The following NOSTRIN variants were observed in gnomAD, a reference collection of about 807,000 sequenced individuals.
NOSTRIN encodes BM247 homolog.
NOSTRIN carries 63 observed loss-of-function variants against 59.0 expected under a neutral mutation model. That is an observed-to-expected ratio of 1.07 (90% confidence interval 0.87 to 1.32). The LOEUF (loss-of-function observed/expected upper bound fraction) is 1.32, where lower values mean the gene tolerates loss of function less well. NOSTRIN is among the 40% of genes most tolerant of loss of function. The probability of loss-of-function intolerance (pLI) is 0.00; values close to 1 mark genes in which losing one functional copy is unlikely to be tolerated. For missense variants in NOSTRIN, 512 were observed against 473.1 expected (o/e 1.08, Z -0.76); for synonymous variants, 200 against 165.4 (o/e 1.21, Z -1.61).
intron 7 of NOSTRIN, among the ~76,000 whole-genome samples, chr2:168,838,450 G>C (rs749372445): frequency 2.6e-5 from 4 of 152,170 alleles, no homozygotes; most frequent in Non-Finnish European, 5.9e-5. Context: ...ATGTTGGCCA[G>C]GCTGGTCTCG....
chr2:168,805,428 C>T (rs1489649539), intron 1 of NOSTRIN, among the ~76,000 whole-genome samples: 1 of 152,106 alleles, frequency 6.6e-6, no homozygotes, highest in Non-Finnish European at 1.5e-5. Flanking sequence ...GCTCTTAAAC[C>T]TAAAAATATG....
At chr2:168,832,702 G>A (rs1323234801) in intron 6 of NOSTRIN, among the ~76,000 whole-genome samples, 2 of 152,194 alleles carry the variant, frequency 1.3e-5, no homozygotes, top group Non-Finnish European at 2.9e-5. Flanking sequence ...TTTATAAAAA[G>A]TAAAGTCCCA....
At chr2:168,847,879 C>A (rs1311533630) in intron 8 of NOSTRIN, among the ~76,000 whole-genome samples, 1 of 152,182 alleles carries the variant, frequency 6.6e-6, no homozygotes, top group East Asian at 1.9e-4. Context: ...AAACATAGAT[C>A]ATTTTAATGA....
intron 2 of NOSTRIN, among the ~76,000 whole-genome samples, chr2:168,817,911 A>G (rs1305990316): frequency 6.6e-6 from 1 of 152,226 alleles, no homozygotes; most frequent in Non-Finnish European, 1.5e-5. Flanking sequence ...AACTTTAAAT[A>G]CAATCTGTAA....
At chr2:168,857,512 G>A (rs1033265531) in intron 12 of NOSTRIN, among the ~76,000 whole-genome samples, 1 of 152,170 alleles carries the variant, frequency 6.6e-6, no homozygotes, top group Non-Finnish European at 1.5e-5. Flanking sequence ...TTTGTGCTGA[G>A]TGTGTGAACT....
chr2:168,864,090 C>A (rs985121435), intron 15 of NOSTRIN, among the ~76,000 whole-genome samples: 1 of 152,052 alleles, frequency 6.6e-6, no homozygotes, highest in African/African-American at 2.4e-5. Flanking sequence ...GCCTCAGTCT[C>A]CCAAATAGCT....
At chr2:168,823,497 C>T (rs954264531) in intron 2 of NOSTRIN, among the ~76,000 whole-genome samples, 1 of 152,162 alleles carries the variant, frequency 6.6e-6, no homozygotes, top group Non-Finnish European at 1.5e-5. Flanking sequence ...CAATCTTTGG[C>T]ATTCTTTGGC....
intron 2 of NOSTRIN, among the ~76,000 whole-genome samples, chr2:168,823,055 C>T (rs1277666961): frequency 6.6e-6 from 1 of 152,264 alleles, no homozygotes; most frequent in Non-Finnish European, 1.5e-5. Flanking sequence ...TTTGCTCTGT[C>T]GCCCAGGCTA....
chr2:168,833,884 G>C (rs769236392), intron 6 of NOSTRIN, among the ~76,000 whole-genome samples: 4 of 152,218 alleles, frequency 2.6e-5, no homozygotes, highest in Non-Finnish European at 5.9e-5. Context: ...GATATCTTCT[G>C]TGGTAAAGCC....
intron 3 of NOSTRIN, among the ~76,000 whole-genome samples, chr2:168,825,468 T>C (rs1256495501): frequency 3.3e-5 from 5 of 152,214 alleles, no homozygotes; most frequent in Non-Finnish European, 7.3e-5. Flanking sequence ...CTCTATGGCT[T>C]TTGACAAGTA....
chr2:168,836,994 G>A (rs1435339274), intron 7 of NOSTRIN, among the ~76,000 whole-genome samples: 4 of 152,272 alleles, frequency 2.6e-5, no homozygotes, highest in South Asian at 2.1e-4. Flanking sequence ...GTGCTATCTG[G>A]TGAGGCTTCC....
At position 168,792,731 on chromosome 2, in the gene NOSTRIN, C is replaced by T. The variant is rs146420817; in HGVS notation, c.-473+4683C>T. ...CTGACCTCAGGTGATCCACCTGCCTCGGCCTCCGAAAGTGCTGGGATTATA... is the reference window on the plus strand; with the variant it reads ...CTGACCTCAGGTGATCCACCTGCCTTGGCCTCCGAAAGTGCTGGGATTATA... On this transcript the variant is annotated intron_variant, in intron 2 of 20. Transcript: ENST00000458381. Among the ~76,000 whole-genome samples, 511 of 152,218 alleles carry T rather than the reference C, an allele frequency of 3.4e-3. 3 individuals carry two copies. The highest frequency in any genetic ancestry group is 0.012 in the African/African-American group (491 of 41,526).
chr2:168,813,229 A>G (rs959338574), intron 2 of NOSTRIN, among the ~76,000 whole-genome samples: 11 of 152,298 alleles, frequency 7.2e-5, no homozygotes, highest in Admixed American at 7.2e-4. Context: ...CTGCCTGCAG[A>G]GCAGGAAGAA....
At position 168,859,594 on chromosome 2, in the gene NOSTRIN, C is replaced by A; in HGVS notation, c.1136C>A (p.Pro379His). Residue 379 changes from proline (P) to histidine (H), a missense_variant, in exon 13 of 16, where the codon CCC becomes CAC. Physicochemically the swap from Pro to His is moderately conservative, Grantham distance 77. Transcript: ENST00000317647. ...GCAGAACTTGAGCAAAGACCTCAACCCAGCCATCCTTGTAGTAATTCCATC... is the reference window on the plus strand; with the variant it reads ...GCAGAACTTGAGCAAAGACCTCAACACAGCCATCCTTGTAGTAATTCCATC... ...MLAELEQRPQ[P>H]SHPCSNSIFR... 1 of 1,614,050 alleles carries A rather than the reference C, an allele frequency of 6.2e-7. No homozygotes were observed. The highest frequency in any genetic ancestry group is 1.7e-5 in the Admixed American group (1 of 60,006).
chr2:168,840,739 C>G (rs766431787), intron 7 of NOSTRIN, among the ~76,000 whole-genome samples: 3 of 152,010 alleles, frequency 2.0e-5, no homozygotes, highest in Non-Finnish European at 4.4e-5. Context: ...CAGCCTTTGT[C>G]TCTGTCCTTG....
chr2:168,856,886 A>G (rs1689157938), intron 12 of NOSTRIN, 108 bp downstream of exon 12: 10 of 1,002,444 alleles, frequency 1.0e-5, no homozygotes, highest in Non-Finnish European at 1.4e-5. Flanking sequence ...TTCTCATGAC[A>G]TAGAACAATC....
upstream of NOSTRIN, among the ~76,000 whole-genome samples, chr2:168,801,990 GT>G (rs774728298): frequency 2.0e-5 from 3 of 152,162 alleles, no homozygotes; most frequent in Non-Finnish European, 4.4e-5. Context: ...ACATTCTATA[GT>G]TATAGTTCTA....
At chr2:168,833,488 C>A (rs1326847669) in intron 6 of NOSTRIN, among the ~76,000 whole-genome samples, 1 of 152,224 alleles carries the variant, frequency 6.6e-6, no homozygotes, top group East Asian at 1.9e-4. Context: ...GTCTTTCAAT[C>A]AGCCTACTTC....
At chr2:168,811,519 C>A in intron 1 of NOSTRIN, 48 bp from the exon 2 acceptor site, 1 of 693,294 alleles carries the variant, frequency 1.4e-6, no homozygotes, top group South Asian at 1.8e-5. Flanking sequence ...CGGAGTTGCT[C>A]GTAATCTTCC....
Sources: gnomAD v4.1 joint callset for allele counts (sites outside exome capture counted in the v4.1 genomes callset) on GRCh38, gnomAD v4.1.1 for gene constraint, MANE v1.5 for transcripts, NCBI Gene and HGNC (gene_info 2026-07-23, HGNC 2026-07-21) for gene names.